Variants in ASTN2 observed in about 807,000 individuals in gnomAD.
ASTN2 encodes astrotactin-2.
ASTN2 carries 54 observed loss-of-function variants against 139.8 expected under a neutral mutation model. That is an observed-to-expected ratio of 0.39 (90% CI 0.31 to 0.48). The LOEUF (loss-of-function observed/expected upper bound fraction) is 0.48, where lower values mean the gene tolerates loss of function less well. Ranked by LOEUF, ASTN2 falls within the 20% of genes least tolerant of loss-of-function variation. The pLI is 0.95. For missense variants in ASTN2, 1,565 were observed against 1,725.1 expected (o/e 0.91, Z 1.64); for synonymous variants, 756 against 719.5 (o/e 1.05, Z -0.81).
intron 17 of ASTN2, among the ~76,000 whole-genome samples, chr9:116,627,805 A>C (rs570811486): frequency 7.0e-4 from 107 of 152,218 alleles, no homozygotes; most frequent in African/African-American, 2.5e-3. Flanking sequence ...ATATTTATTG[A>C]GTACTTACTA....
chr9:117,025,321 T>A (rs1475554901), intron 6 of ASTN2, among the ~76,000 whole-genome samples: 1 of 152,172 alleles, frequency 6.6e-6, no homozygotes, highest in Non-Finnish European at 1.5e-5. Context: ...CTTGGCAATA[T>A]GCCCACAATG....
chr9:116,766,717 A>G (rs1201578371), intron 13 of ASTN2, among the ~76,000 whole-genome samples: 6 of 152,056 alleles, frequency 3.9e-5, no homozygotes, highest in African/African-American at 1.4e-4. Context: ...TTAAACAGTC[A>G]TATCACACAC....
chr9:116,606,251 C>T (rs988291845), intron 19 of ASTN2, among the ~76,000 whole-genome samples: 14 of 152,102 alleles, frequency 9.2e-5, no homozygotes, highest in East Asian at 1.9e-4. Flanking sequence ...AACAGCGTCC[C>T]GGAACTGACC....
chr9:117,398,122 A>T (rs992434211), intron 1 of ASTN2, among the ~76,000 whole-genome samples: 4 of 152,176 alleles, frequency 2.6e-5, no homozygotes, highest in African/African-American at 9.7e-5. Context: ...AAATCAAGCA[A>T]AGGAAAATAA....
chr9:117,397,646 G>A (rs1315956745), intron 1 of ASTN2, among the ~76,000 whole-genome samples: 3 of 152,272 alleles, frequency 2.0e-5, no homozygotes, highest in South Asian at 2.1e-4. Flanking sequence ...GCACATTTAC[G>A]TATTTTAAGT....
intron 6 of ASTN2, among the ~76,000 whole-genome samples, chr9:117,030,020 T>TAA (rs11411898): frequency 2.6e-5 from 4 of 151,668 alleles, no homozygotes; most frequent in Admixed American, 6.6e-5. Flanking sequence ...TTTTTAGATT[T>TAA]AAAAAAAACG....
At chr9:117,116,024 CA>C (rs34605549) in intron 4 of ASTN2, among the ~76,000 whole-genome samples, 29,063 of 106,698 alleles carry the variant, frequency 0.27, 3,190 homozygotes, top group Non-Finnish European at 0.29. Flanking sequence ...GACTCCGCCT[CA>C]AAAAAAAAAT....
chr9:116,815,813 A>AAAAAAAAAAAAAC (rs1831307121), intron 12 of ASTN2, among the ~76,000 whole-genome samples: 1 of 146,692 alleles, frequency 6.8e-6, no homozygotes, highest in Non-Finnish European at 1.5e-5. Flanking sequence ...TCAAAAAAAA[A>AAAAAAAAAAAAAC]AAAAAAAAAA....
chr9:116,649,572 C>CA (rs35946741), intron 17 of ASTN2, among the ~76,000 whole-genome samples: 116,632 of 137,634 alleles, frequency 0.85, 49,671 homozygotes, highest in East Asian at 0.94. Context: ...AAAACTGTCT[C>CA]AAAAAAAAAA....
chr9:116,824,356 A>C (rs1831565910), intron 11 of ASTN2, among the ~76,000 whole-genome samples: 1 of 143,728 alleles, frequency 7.0e-6, no homozygotes. Context: ...GGTAGATCAT[A>C]AGAGAGATCT....
At chr9:117,066,653 T>A (rs977539108) in intron 5 of ASTN2, among the ~76,000 whole-genome samples, 1 of 151,958 alleles carries the variant, frequency 6.6e-6, no homozygotes, top group Non-Finnish European at 1.5e-5. Context: ...AAAGTGTTCC[T>A]ATTTCTCCAC....
intron 13 of ASTN2, among the ~76,000 whole-genome samples, chr9:116,777,659 T>C (rs1214819193): frequency 6.6e-6 from 1 of 152,092 alleles, no homozygotes; most frequent in Non-Finnish European, 1.5e-5. Flanking sequence ...AGAATTTGCA[T>C]TTCACCAAAC....
intron 21 of ASTN2, among the ~76,000 whole-genome samples, chr9:116,441,135 TTAAA>T (rs1379897489): frequency 2.6e-5 from 4 of 152,180 alleles, no homozygotes; most frequent in African/African-American, 9.7e-5. Flanking sequence ...TACAATTGGC[TTAAA>T]TAAATTGTCT....
At chr9:116,544,205 T>G (rs992834983) in intron 19 of ASTN2, among the ~76,000 whole-genome samples, 1 of 152,166 alleles carries the variant, frequency 6.6e-6, no homozygotes, top group Non-Finnish European at 1.5e-5. Context: ...ACAGTCATAC[T>G]AAGGAATATG....
intron 13 of ASTN2, among the ~76,000 whole-genome samples, chr9:116,805,138 G>GTGTT (rs1564277052): frequency 6.6e-6 from 1 of 151,846 alleles, no homozygotes; most frequent in Non-Finnish European, 1.5e-5. Context: ...GTGTGTGTGT[G>GTGTT]TGTGTAGGCA....
At chr9:116,544,426 T>C (rs1237592058) in intron 19 of ASTN2, among the ~76,000 whole-genome samples, 1 of 152,158 alleles carries the variant, frequency 6.6e-6, no homozygotes, top group East Asian at 1.9e-4. Flanking sequence ...GTCTTAGACA[T>C]GATAGTAGTA....
rs143591338 is a variant in ASTN2 at position 116,488,515 on chromosome 9, T to C, written c.3356-1015A>G. Among the ~76,000 whole-genome samples the C allele has an allele frequency of 6.4e-3, 979 of 152,314 alleles. 7 individuals are homozygous for C. The highest frequency in any genetic ancestry group is 0.023 in the African/African-American group (948 of 41,582). ...GCAGTACTATTTATACTAGCAAGAA[T>C]GTAGAAACAGCTAAATGTCCAACTA... On this transcript the variant is annotated intron_variant, in intron 19 of 22. Transcript: ENST00000313400.
At chr9:116,773,286 C>T (rs1830001328) in intron 13 of ASTN2, among the ~76,000 whole-genome samples, 1 of 152,142 alleles carries the variant, frequency 6.6e-6, no homozygotes, top group Admixed American at 6.5e-5. Context: ...ACCTGCCCTG[C>T]CCAAGGGGGT....
intron 16 of ASTN2, chr9:116,687,003 T>C: frequency 7.1e-7 from 1 of 1,413,028 alleles, no homozygotes; most frequent in Non-Finnish European, 9.2e-7. Flanking sequence ...GGCTACCGTT[T>C]TGTGAAGGGG....
Sources: allele counts gnomAD v4.1 joint callset (sites outside exome capture counted in the v4.1 genomes callset), GRCh38; gene constraint gnomAD v4.1.1; transcripts MANE v1.5; gene names NCBI Gene and HGNC (gene_info 2026-07-23, HGNC 2026-07-21).